The following STIL variants were observed in gnomAD, a reference collection of about 807,000 sequenced individuals.
The protein encoded by STIL is SCL-interrupting locus protein.
In STIL, 55 loss-of-function variants were observed where a neutral mutation model predicts 110.1. The observed-to-expected ratio is 0.50, with a 90% CI of 0.40 to 0.63. The LOEUF is 0.63. STIL is among the 20% of genes least tolerant of loss of function. STIL has a pLI of 0.00. For synonymous variants in STIL, 481 were observed against 530.0 expected, an observed-to-expected ratio of 0.91 and a Z score of 1.27; for missense variants, 1,358 against 1,530.0, an observed-to-expected ratio of 0.89 and a Z score of 1.87.
intron 14 of STIL, among the ~76,000 whole-genome samples, chr1:47,264,935 A>AG (rs1377385670): frequency 6.6e-6 from 1 of 150,810 alleles, no homozygotes; most frequent in Admixed American, 6.6e-5. Context: ...AAAGTTAAAA[A>AG]AAAAAAAAAA....
chr1:47,305,725 C>CG (rs1553182711), intron 2 of STIL, among the ~76,000 whole-genome samples: 6 of 43,418 alleles, frequency 1.4e-4, no homozygotes, highest in Non-Finnish European at 1.9e-4. Context: ...CACGCCTGGC[C>CG]TTTTTTTTTT....
At chr1:47,261,827 G>A (rs999176878) in intron 15 of STIL, among the ~76,000 whole-genome samples, 2 of 150,144 alleles carry the variant, frequency 1.3e-5, no homozygotes, top group Non-Finnish European at 1.5e-5. Flanking sequence ...CACAAGAATC[G>A]CTTGAACCTG....
intron 14 of STIL, among the ~76,000 whole-genome samples, chr1:47,265,457 C>T (rs2148795440): frequency 6.6e-6 from 1 of 151,768 alleles, no homozygotes; most frequent in Non-Finnish European, 1.5e-5. Context: ...GACACTGGGT[C>T]AAACTGTAGT....
chr1:47,281,507 A>G (rs1003997689), intron 11 of STIL, among the ~76,000 whole-genome samples: 5 of 152,214 alleles, frequency 3.3e-5, no homozygotes, highest in African/African-American at 1.2e-4. Context: ...AAGATCACAG[A>G]ACACAATATG....
intron 9 of STIL, among the ~76,000 whole-genome samples, chr1:47,288,277 A>C (rs939862900): frequency 2.4e-4 from 36 of 151,790 alleles, no homozygotes; most frequent in Non-Finnish European, 8.8e-5. Flanking sequence ...ATATAATGAC[A>C]CCTAGTTTCA....
At chr1:47,282,272 A>G (rs1645175067) in intron 11 of STIL, 73 bp downstream of exon 11, 2 of 896,504 alleles carry the variant, frequency 2.2e-6, no homozygotes, top group South Asian at 2.6e-5. Context: ...AGGTAGTATT[A>G]TTTAGTGTTT....
In STIL at chr1:47,263,744, G is replaced by GTTTTTTTTT. The variant is rs60915271; in HGVS notation, c.2616-637_2616-629dup. Reference sequence around the variant, plus strand: ...TAGGTATGTTATTTGTTCATTCCAAGTTTTTTTTTTTTTTTTTTTTTTTTT... The same window carrying GTTTTTTTTT: ...TAGGTATGTTATTTGTTCATTCCAAGTTTTTTTTTTTTTTTTTTTTTTTTTTTTTTTTTT... On this transcript the variant is annotated intron_variant, in intron 14 of 16. Transcript: ENST00000371877. Among the ~76,000 whole-genome samples, 905 of 98,190 alleles carry GTTTTTTTTT rather than the reference G, an allele frequency of 9.2e-3. 121 individuals carry two copies. The highest frequency in any genetic ancestry group is 0.014 in the Non-Finnish European group (717 of 50,544). 64.4% of individuals were successfully genotyped at this position (98,190 alleles called of 152,430 possible).
intron 12 of STIL, among the ~76,000 whole-genome samples, chr1:47,278,326 A>T (rs902124337): frequency 3.9e-5 from 6 of 152,274 alleles, no homozygotes; most frequent in African/African-American, 1.4e-4. Flanking sequence ...TAAAAAATGT[A>T]TAAGATACTT....
At position 47,275,380 on chromosome 1, in the gene STIL, G is replaced by A. The variant is rs1570124702; in HGVS notation, c.2218-3139C>T. 3.3e-5 allele frequency among the ~76,000 whole-genome samples: 5 copies of A among 151,730 alleles called. No homozygotes were observed. The South Asian group carries it at 8.3e-4, about 25-fold the overall frequency. ...TCCCAGCACTTTGGGAGGCTGAGGC[G>A]GGCGGATCACAAGGTCAGGAGATCA... On this transcript the variant is annotated intron_variant, in intron 12 of 16. Coordinates refer to ENST00000371877, the MANE Select transcript of STIL (RefSeq NM_001048166.1).
intron 9 of STIL, among the ~76,000 whole-genome samples, chr1:47,289,120 A>G (rs1454882205): frequency 6.6e-6 from 1 of 151,362 alleles, no homozygotes; most frequent in Non-Finnish European, 1.5e-5. Flanking sequence ...AGATCCCACA[A>G]AGTTAACCTT....
intron 14 of STIL, among the ~76,000 whole-genome samples, chr1:47,267,492 G>A (rs547611003): frequency 6.6e-6 from 1 of 151,940 alleles, no homozygotes; most frequent in Admixed American, 6.6e-5. Context: ...CTAACCTGAG[G>A]TCAGGAGTTC....
At chr1:47,305,724 C>CA in intron 2 of STIL, among the ~76,000 whole-genome samples, 1 of 82,052 alleles carries the variant, frequency 1.2e-5, no homozygotes, top group South Asian at 4.5e-4. Context: ...CCACGCCTGG[C>CA]CTTTTTTTTT....
At chr1:47,308,361 T>C (rs1157436838) in intron 2 of STIL, among the ~76,000 whole-genome samples, 2 of 151,184 alleles carry the variant, frequency 1.3e-5, no homozygotes, top group South Asian at 4.2e-4. Flanking sequence ...ACCTACGTGA[T>C]TATCGGGGCA....
intron 12 of STIL, among the ~76,000 whole-genome samples, chr1:47,273,248 T>C (rs773094805): frequency 6.6e-6 from 1 of 152,304 alleles, no homozygotes; most frequent in Non-Finnish European, 1.5e-5. Flanking sequence ...TGCTTTAAAG[T>C]GTACAATTCA....
chr1:47,250,146 G>A lies in STIL; in HGVS notation c.*990C>T, dbSNP rs1235340377. ...CTATAACAGACAACAAAGGAAAATA[G>A]TCAATCTAGACATTTTATTAAGTTC... is the stretch of plus-strand genomic sequence containing the variant. On this transcript the variant is annotated 3_prime_UTR_variant, in exon 17 of 17. Transcript: ENST00000371877. 1 of 164,366 alleles carries A rather than the reference G, an allele frequency of 6.1e-6. No individual in the cohort carries two copies. Among genetic ancestry groups the A allele is most frequent in the African/African-American group, 2.4e-5 (1 of 41,882 alleles). The allele number at this position is 164,366 out of a possible 1,614,324, so 10.2% of individuals were successfully genotyped here. A position where few individuals can be genotyped will look rare whatever the true frequency, so the allele number is the denominator to read the frequency against.
intron 10 of STIL, chr1:47,283,091 C>G (rs1319224035): frequency 6.6e-6 from 1 of 152,458 alleles, no homozygotes; most frequent in Non-Finnish European, 1.5e-5. Context: ...ACATCCTACA[C>G]TAGACAAAGT....
At chr1:47,265,242 A>AAAAAAAC (rs1207326372) in intron 14 of STIL, among the ~76,000 whole-genome samples, 3 of 149,194 alleles carry the variant, frequency 2.0e-5, no homozygotes, top group Non-Finnish European at 3.0e-5. Context: ...TCTCCCAAAA[A>AAAAAAAC]AAAAAAAAAA....
At chr1:47,305,744 T>TTTTTTTTTTTTTTG (rs1645941492) in intron 2 of STIL, among the ~76,000 whole-genome samples, 1 of 125,500 alleles carries the variant, frequency 8.0e-6, no homozygotes. Context: ...TTTTTTTTTT[T>TTTTTTTTTTTTTTG]TTTTTTCAGA....
In STIL at chr1:47,295,785, A is replaced by G; in HGVS notation, c.765T>C (p.Tyr255=). The G allele has an allele frequency of 1.2e-6, 2 of 1,612,164 alleles. No individual in the cohort carries two copies. The highest frequency in any genetic ancestry group is 1.7e-6 in the Non-Finnish European group (2 of 1,178,516). Residue 255 remains tyrosine, a synonymous_variant, in exon 7 of 17, where the codon TAT becomes TAC. Transcript: ENST00000371877. ...LLLLESDPKV[Y]SLPLVGIWLS... ...CTTACATTCCCACCAATGGTAGAGA[A>G]TAAACCTTGGGATCAGATTCCAACA...
Sources: gnomAD v4.1 joint callset for allele counts (sites outside exome capture counted in the v4.1 genomes callset) on GRCh38, gnomAD v4.1.1 for gene constraint, MANE v1.5 for transcripts, NCBI Gene and HGNC (gene_info 2026-07-23, HGNC 2026-07-21) for gene names.